The following ATP9B variants were observed in gnomAD, a reference collection of about 807,000 sequenced individuals.
ATP9B encodes probable phospholipid-transporting ATPase IIB.
In ATP9B, 110 loss-of-function variants were observed where a neutral mutation model predicts 146.1. The observed-to-expected ratio is 0.75, with a 90% CI of 0.65 to 0.88. The LOEUF is 0.88. Among genes scored for constraint, ATP9B ranks in the 40% least tolerant of loss-of-function variants. ATP9B has a pLI of 0.00. For synonymous variants in ATP9B, 604 were observed against 569.7 expected (o/e 1.06, Z -0.86); for missense variants, 1,499 against 1,496.4 (o/e 1.00, Z -0.03).
At chr18:79,196,504 G>A (rs2095419232) in intron 9 of ATP9B, among the ~76,000 whole-genome samples, 1 of 152,194 alleles carries the variant, frequency 6.6e-6, no homozygotes, top group Non-Finnish European at 1.5e-5. Context: ...GTTGCTACGT[G>A]GGTGTTAAGG....
chr18:79,160,098 G>T (rs1204390341), intron 7 of ATP9B, among the ~76,000 whole-genome samples: 3 of 152,130 alleles, frequency 2.0e-5, no homozygotes, highest in South Asian at 2.1e-4. Context: ...TGTCTTTGTT[G>T]CTCCATTACT....
At chr18:79,364,963 G>A (rs2097017516) in intron 26 of ATP9B, among the ~76,000 whole-genome samples, 1 of 152,082 alleles carries the variant, frequency 6.6e-6, no homozygotes, top group African/African-American at 2.4e-5. Flanking sequence ...TGAGGAGTTG[G>A]AGGCTGCAGT....
intron 8 of ATP9B, among the ~76,000 whole-genome samples, chr18:79,180,542 ACT>A (rs2095239102): frequency 6.6e-6 from 1 of 151,966 alleles, no homozygotes; most frequent in African/African-American, 2.4e-5. Context: ...ACCGTGCATT[ACT>A]GTTTTTTTTT....
intron 29 of ATP9B, chr18:79,375,904 T>A: frequency 1.0e-6 from 1 of 985,446 alleles, no homozygotes; most frequent in Non-Finnish European, 1.2e-6. Flanking sequence ...CCACTATATG[T>A]AGATTCGAAG....
chr18:79,289,148 C>T (rs1463649110), intron 13 of ATP9B, among the ~76,000 whole-genome samples: 1 of 152,128 alleles, frequency 6.6e-6, no homozygotes, highest in African/African-American at 2.4e-5. Context: ...TTTCCTGAAT[C>T]TGAATGTTGG....
intron 15 of ATP9B, among the ~76,000 whole-genome samples, chr18:79,319,276 A>G (rs1428549688): frequency 6.6e-6 from 1 of 152,254 alleles, no homozygotes; most frequent in Non-Finnish European, 1.5e-5. Flanking sequence ...GCTGCCTTCC[A>G]GAAGTGCTTC....
At chr18:79,306,670 A>G (rs9949003) in intron 14 of ATP9B, among the ~76,000 whole-genome samples, 20,709 of 152,252 alleles carry the variant, frequency 0.14, 1,548 homozygotes, top group East Asian at 0.18. Flanking sequence ...GAAGTCATGA[A>G]TAAATAGGAG....
intron 1 of ATP9B, among the ~76,000 whole-genome samples, chr18:79,079,764 G>GT (rs1309576894): frequency 1.3e-5 from 2 of 152,146 alleles, no homozygotes; most frequent in African/African-American, 4.8e-5. Context: ...TTCTTCTAGG[G>GT]TTTTTATAGT....
chr18:79,262,793 G>C (rs1377668178), intron 12 of ATP9B, among the ~76,000 whole-genome samples: 1 of 152,154 alleles, frequency 6.6e-6, no homozygotes, highest in Admixed American at 6.5e-5. Flanking sequence ...CCCAGTTTCA[G>C]AGTTAAGGTG....
At chr18:79,076,123 A>T (rs990060497) in intron 1 of ATP9B, among the ~76,000 whole-genome samples, 2 of 152,216 alleles carry the variant, frequency 1.3e-5, no homozygotes, top group Admixed American at 1.3e-4. Flanking sequence ...ATGTAAAAGT[A>T]TATAAATATT....
At chr18:79,253,696 A>G (rs1332323443) in intron 12 of ATP9B, 155 bp downstream of exon 12, 4 of 807,186 alleles carry the variant, frequency 5.0e-6, no homozygotes, top group Non-Finnish European at 5.5e-6. Flanking sequence ...TTCTGTGGAA[A>G]TGTTGTTGGG....
chr18:79,271,226 C>G (rs2096250122), intron 12 of ATP9B, among the ~76,000 whole-genome samples: 1 of 151,888 alleles, frequency 6.6e-6, no homozygotes, highest in South Asian at 2.1e-4. Flanking sequence ...TAATACTTTG[C>G]TGTATTTTCT....
chr18:79,234,901 C>G (rs527772532), intron 11 of ATP9B, among the ~76,000 whole-genome samples: 5 of 152,218 alleles, frequency 3.3e-5, no homozygotes, highest in African/African-American at 1.2e-4. Context: ...GAGATGGAGT[C>G]TCACTCTGTC....
intron 11 of ATP9B, among the ~76,000 whole-genome samples, chr18:79,252,508 C>T (rs1023656273): frequency 2.0e-5 from 3 of 152,208 alleles, no homozygotes. Context: ...CAGTCCATAG[C>T]GATTGCTAGA....
chr18:79,157,792 G>A (rs536424854), intron 7 of ATP9B, among the ~76,000 whole-genome samples: 35 of 152,182 alleles, frequency 2.3e-4, no homozygotes, highest in African/African-American at 6.0e-4. Flanking sequence ...ATCTGCGGCC[G>A]TGCAGTTGTT....
chr18:79,176,284 G>A (rs1259762402), intron 7 of ATP9B, among the ~76,000 whole-genome samples: 1 of 152,184 alleles, frequency 6.6e-6, no homozygotes, highest in Non-Finnish European at 1.5e-5. Context: ...AAGAGTAGTG[G>A]ATTTTCATAA....
rs1228474855 is a variant in ATP9B at position 79,348,168 on chromosome 18, C to T, written c.2875C>T (p.Pro959Ser). ...CTCAGTCTTCTACTTCGCATCCGTCCCTTTGTATCAGGGCTTCCTCATGGT... is the reference window on the plus strand; with the variant it reads ...CTCAGTCTTCTACTTCGCATCCGTCTCTTTGTATCAGGGCTTCCTCATGGT... ...FSSVFYFASV[P>S]LYQGFLMVGY... The change falls in exon 25 of 30, where the codon CCT (proline) becomes TCT (serine). Residue 959 changes from proline to serine, a missense_variant. Pro to Ser is a moderately conservative substitution (Grantham distance 74, BLOSUM62 -1). Coordinates refer to ENST00000426216, the MANE Select transcript of ATP9B (RefSeq NM_198531.5). The T allele has an allele frequency of 1.2e-6, 2 of 1,612,324 alleles. No individual in the cohort carries two copies. Among genetic ancestry groups the T allele is most frequent in the South Asian group, 1.1e-5 (1 of 91,010 alleles).
chr18:79,074,887 C>T (rs2072414969), intron 1 of ATP9B, among the ~76,000 whole-genome samples: 1 of 152,210 alleles, frequency 6.6e-6, no homozygotes, highest in Non-Finnish European at 1.5e-5. Flanking sequence ...TGGTAACATA[C>T]ACATAGTTTA....
intron 8 of ATP9B, among the ~76,000 whole-genome samples, chr18:79,191,675 C>G (rs1265027172): frequency 1.3e-5 from 2 of 152,144 alleles, no homozygotes; most frequent in Non-Finnish European, 2.9e-5. Flanking sequence ...AATACACTTT[C>G]TCTTTCTTTG....
Sources: allele counts gnomAD v4.1 joint callset (sites outside exome capture counted in the v4.1 genomes callset), GRCh38; gene constraint gnomAD v4.1.1; transcripts MANE v1.5; gene names NCBI Gene and HGNC (gene_info 2026-07-23, HGNC 2026-07-21).